Variants in ITIH2 observed in about 807,000 individuals in gnomAD.
ITIH2 encodes inter-alpha-trypsin inhibitor heavy chain 2.
In ITIH2, 103 loss-of-function variants were observed where a neutral mutation model predicts 104.4. That is an observed-to-expected ratio of 0.99 (90% confidence interval 0.84 to 1.16). The LOEUF (loss-of-function observed/expected upper bound fraction) is 1.16. Ranked by LOEUF, ITIH2 falls within the 50% of genes most tolerant of loss-of-function variation. The pLI is 0.00. For synonymous variants in ITIH2, 436 were observed against 435.4 expected (o/e 1.00, Z -0.02); for missense variants, 1,108 against 1,162.4 (o/e 0.95, Z 0.68).
At position 7,727,160 on chromosome 10, in the gene ITIH2, G is replaced by T. The variant is rs746362118; in HGVS notation, c.1153+42G>T. The T allele has an allele frequency of 9.8e-6, 15 of 1,532,048 alleles. 1 individual carries two copies. Among genetic ancestry groups the T allele is most frequent in the South Asian group, 9.5e-5 (8 of 84,300 alleles). The allele number at this position is 1,532,048 out of a possible 1,614,324, so 94.9% of individuals were successfully genotyped here. On this transcript the variant is annotated intron_variant, in intron 10 of 20. Coordinates refer to ENST00000358415, the MANE Select transcript of ITIH2 (RefSeq NM_002216.3). ...AAATCCCAAGGAGACACTTCCTCTG[G>T]GTTCAAATCATGATTCACTTAAGAA...
At chr10:7,744,584 T>G (rs1053973851) in intron 18 of ITIH2, among the ~76,000 whole-genome samples, 1 of 152,180 alleles carries the variant, frequency 6.6e-6, no homozygotes, top group African/African-American at 2.4e-5. Context: ...CAGAGTGAGC[T>G]CCAAACGCCA....
intron 5 of ITIH2, among the ~76,000 whole-genome samples, chr10:7,713,875 T>C (rs1834821244): frequency 6.6e-6 from 1 of 151,952 alleles, no homozygotes; most frequent in African/African-American, 2.4e-5. Context: ...ACGAATTTTT[T>C]TAGTTTTTGT....
chr10:7,732,079 G>A, intron 13 of ITIH2, 83 bp downstream of exon 13: 1 of 1,119,520 alleles, frequency 8.9e-7, no homozygotes, highest in South Asian at 1.4e-5. Flanking sequence ...TGCCTGCCTG[G>A]AATCATGGGT....
In ITIH2 at chr10:7,741,682, G is replaced by A. The variant is rs73628433; in HGVS notation, c.2096-1464G>A. ...CCACCAACAACTTTCCTAAAATGAG[G>A]GTCAAGTCACATTTATTCTCAGAAA... On this transcript the variant is annotated intron_variant, in intron 16 of 20. Transcript: ENST00000358415. 1.2e-3 allele frequency among the ~76,000 whole-genome samples: 185 copies of A among 152,150 alleles called. 1 individual carries two copies. The highest frequency in any genetic ancestry group is 4.3e-3 in the African/African-American group (180 of 41,514).
chr10:7,743,307 C>T (rs772925500), intron 17 of ITIH2, 48 bp downstream of exon 17: 1 of 952,856 alleles, frequency 1.0e-6, no homozygotes, highest in Non-Finnish European at 1.6e-6. Context: ...CATTGTCATG[C>T]TTTCCTGTCA....
intron 16 of ITIH2, among the ~76,000 whole-genome samples, chr10:7,742,776 C>T (rs1351295843): frequency 6.6e-6 from 1 of 152,198 alleles, no homozygotes; most frequent in Non-Finnish European, 1.5e-5. Flanking sequence ...TCTGTCTACA[C>T]ACATATTCAC....
chr10:7,729,787 T>G (rs1834984346), intron 11 of ITIH2, 165 bp from the exon 12 acceptor site: 1 of 517,822 alleles, frequency 1.9e-6, no homozygotes, highest in Non-Finnish European at 3.4e-6. Flanking sequence ...CATTTCAACA[T>G]GTACGAGTGC....
chr10:7,713,900 G>C (rs1834821412), intron 5 of ITIH2, among the ~76,000 whole-genome samples: 1 of 152,008 alleles, frequency 6.6e-6, no homozygotes, highest in African/African-American at 2.4e-5. Context: ...ATAAGGCCTT[G>C]CTTTGTTGTC....
chr10:7,721,895 G>A (rs1321367410), intron 8 of ITIH2, 118 bp downstream of exon 8: 12 of 1,023,882 alleles, frequency 1.2e-5, no homozygotes, highest in Non-Finnish European at 1.2e-5. Flanking sequence ...GTTTCTAGCT[G>A]CAGAGAAGGG....
chr10:7,730,683 A>C (rs1834994162), intron 12 of ITIH2, among the ~76,000 whole-genome samples: 1 of 152,268 alleles, frequency 6.6e-6, no homozygotes, highest in African/African-American at 2.4e-5. Context: ...ATTAAAATAC[A>C]TATATTGAAA....
Position 7,718,951 on chromosome 10 carries a change from A to G in ITIH2, c.630+1163A>G, listed in dbSNP as rs562030232. Among the ~76,000 whole-genome samples, 3 of 152,300 alleles carry G rather than the reference A, an allele frequency of 2.0e-5. No homozygotes were observed. The South Asian group carries it at 6.2e-4, about 32-fold the overall frequency. On this transcript the variant is annotated intron_variant, in intron 6 of 20. Coordinates refer to ENST00000358415, the MANE Select transcript of ITIH2 (RefSeq NM_002216.3). The stretch of plus-strand genomic sequence containing the variant: ...TCTGCTGTCATCTTCATCTCTTGCT[A>G]TAAAGACTAAACTGCTCTTTTCTTT...
intron 19 of ITIH2, among the ~76,000 whole-genome samples, chr10:7,745,186 GT>G (rs1835165137): frequency 6.6e-6 from 1 of 152,244 alleles, no homozygotes; most frequent in Non-Finnish European, 1.5e-5. Context: ...AACTGGGCAA[GT>G]TAAGAGAAGG....
Position 7,726,994 on chromosome 10 carries a change from A to G in ITIH2, c.1029A>G (p.Glu343=). Residue 343 remains glutamate (E), a synonymous_variant, in exon 10 of 21, where the codon GAA becomes GAG. Transcript: ENST00000358415. ...MKTILDDLRA[E]DHFSVIDFNQ... ...CCATATTGGATGACCTCAGAGCAGA[A>G]GACCATTTCTCTGTGATTGATTTCA... 1 of 1,614,004 alleles carries G rather than the reference A, an allele frequency of 6.2e-7. No individual in the cohort carries two copies. The highest frequency in any genetic ancestry group is 1.1e-5 in the South Asian group (1 of 91,060).
Position 7,746,671 on chromosome 10 carries a change from T to C in ITIH2, c.2660T>C (p.Met887Thr). 1 of 1,613,702 alleles carries C rather than the reference T, an allele frequency of 6.2e-7. No homozygotes were observed. Among genetic ancestry groups the C allele is most frequent in the Non-Finnish European group, 8.5e-7 (1 of 1,179,724 alleles). Residue 887 changes from methionine (M) to threonine (T), a missense_variant, in exon 20 of 21, where the codon ATG becomes ACG. Coordinates refer to ENST00000358415, the MANE Select transcript of ITIH2 (RefSeq NM_002216.3). ...GACCCTGAGAAGCCAGAGGCCAGCA[T>C]GGAAGTGAAGGGGCAGAAGCTGATC... ...GKDPEKPEAS[M>T]EVKGQKLIIT... is the part of the protein sequence containing the mutation.
chr10:7,732,345 C>A lies in ITIH2; in HGVS notation c.1655C>A (p.Thr552Lys), dbSNP rs1399529376. 1 of 1,613,552 alleles carries A rather than the reference C, an allele frequency of 6.2e-7. No homozygotes were observed. Among genetic ancestry groups the A allele is most frequent in the Non-Finnish European group, 8.5e-7 (1 of 1,179,556 alleles). ...GAACCTTCCATCATCTAGGCTAACA[C>A]GCAGTTAGTCTTGGAGACCCTGGCC... Reference protein sequence around the residue: ...ESVITATSANTQLVLETLAQM... With the variant: ...ESVITATSANKQLVLETLAQM... Residue 552 changes from threonine to lysine, a missense_variant, in exon 14 of 21, where the codon ACG becomes AAG. Coordinates refer to ENST00000358415, the MANE Select transcript of ITIH2 (RefSeq NM_002216.3).
At position 7,744,783 on chromosome 10, in the gene ITIH2, C is replaced by T; in HGVS notation, c.2409-8C>T. On this transcript the variant is annotated splice_region_variant and splice_polypyrimidine_tract_variant and intron_variant, in intron 18 of 20. Transcript: ENST00000358415. Reference sequence around the variant, plus strand: ...AATGGTTTAATTCCTCTTGGACTTTCACACCAGGGTGCAGATCTCAGTGAA... The same window carrying T: ...AATGGTTTAATTCCTCTTGGACTTTTACACCAGGGTGCAGATCTCAGTGAA... The T allele has an allele frequency of 6.2e-7, 1 of 1,611,094 alleles. No homozygotes were observed. The highest frequency in any genetic ancestry group is 8.5e-7 in the Non-Finnish European group (1 of 1,178,452).
chr10:7,721,691 T>A lies in ITIH2; in HGVS notation c.781T>A (p.Cys261Ser), dbSNP rs760281770. 6.2e-7 allele frequency: 1 copy of A among 1,613,616 alleles called. No individual in the cohort carries two copies. Among genetic ancestry groups the A allele is most frequent in the South Asian group, 1.1e-5 (1 of 91,070 alleles). The change falls in exon 8 of 21, where the codon TGC becomes AGC. Residue 261 changes from cysteine (C) to serine (S), a missense_variant. Physicochemically the swap from Cys to Ser is moderately radical, Grantham distance 112 (BLOSUM62 -1). Transcript: ENST00000358415. The part of the protein sequence containing the change: ...FKPTVAQQRI[C>S]PNCRETAVDG... Reference sequence around the variant, plus strand: ...GCCCACGGTAGCACAGCAGAGAATATGCCCTAACTGCCGGGAGACTGCGGT... The same window carrying A: ...GCCCACGGTAGCACAGCAGAGAATAAGCCCTAACTGCCGGGAGACTGCGGT...
At chr10:7,727,868 C>G in intron 11 of ITIH2, 40 bp downstream of exon 11, 2 of 1,610,362 alleles carry the variant, frequency 1.2e-6, no homozygotes, top group Non-Finnish European at 1.7e-6. Context: ...AACACTTTCA[C>G]TGTTGTTTCT....
intron 9 of ITIH2, among the ~76,000 whole-genome samples, chr10:7,725,845 A>G (rs567449697): frequency 6.6e-6 from 1 of 152,310 alleles, no homozygotes; most frequent in South Asian, 2.1e-4. Context: ...TAGATGGACA[A>G]GGGAGCCAAG....
Sources: allele counts gnomAD v4.1 joint callset (sites outside exome capture counted in the v4.1 genomes callset), GRCh38; gene constraint gnomAD v4.1.1; transcripts MANE v1.5; gene names NCBI Gene and HGNC (gene_info 2026-07-23, HGNC 2026-07-21).